The following CMTM4 variants were observed in gnomAD, a reference collection of about 807,000 sequenced individuals.
CMTM4 encodes CKLF like MARVEL transmembrane domain containing 4, also known as CKLF-like MARVEL transmembrane domain-containing protein 4.
A neutral mutation model predicts 19.0 loss-of-function variants in CMTM4; 8 were observed. That is an observed-to-expected ratio of 0.42 (90% CI 0.25 to 0.76). The LOEUF (loss-of-function observed/expected upper bound fraction) is 0.76, where lower values mean the gene tolerates loss of function less well. Ranked by LOEUF, CMTM4 falls within the 30% of genes least tolerant of loss-of-function variation. The probability of loss-of-function intolerance (pLI) is 0.27; values close to 1 mark genes in which losing one functional copy is unlikely to be tolerated. For missense variants in CMTM4, 228 were observed against 290.2 expected (o/e 0.79, Z 1.56); for synonymous variants, 106 against 121.1 (o/e 0.88, Z 0.82).
chr16:66,609,212 A>G, the CMTM4 span, among the ~76,000 whole-genome samples: 3 of 152,348 alleles, frequency 2.0e-5, no homozygotes, highest in South Asian at 4.1e-4. The surrounding 1 kb of genome is among the most constrained non-coding windows in gnomAD (Gnocchi z 4.4). Context: ...AGCTTAGGAC[A>G]GCAGCCCCGC....
intron 1 of CMTM4, among the ~76,000 whole-genome samples, chr16:66,669,668 A>C (rs1259156983): frequency 2.6e-5 from 4 of 152,042 alleles, no homozygotes; most frequent in Non-Finnish European, 5.9e-5. Context: ...CAGCCTCCCA[A>C]GTAGCTGGGA....
At chr16:66,614,177 A>AC (rs1265681467), downstream of CMTM4, among the ~76,000 whole-genome samples, 1 of 152,208 alleles carries the variant, frequency 6.6e-6, no homozygotes, top group Non-Finnish European at 1.5e-5. This position sits in a 1 kb window ranked among gnomAD's most constrained non-coding sequence, Gnocchi z 4.9. Context: ...GTTGCTTGCC[A>AC]CCCACCTCCT....
In CMTM4 at chr16:66,620,229, CAAAG is replaced by C. The variant is rs896525688; in HGVS notation, c.*1825_*1828del. On this transcript the variant is annotated 3_prime_UTR_variant, in exon 4 of 4. Transcript: ENST00000394106. The stretch of plus-strand genomic sequence containing the variant: ...GTGGCCCTATTTTAAAAGGAACTCT[CAAAG>C]AGAGATAAGCCCAATTTTGACTTTG... 51 of 985,434 alleles carry C rather than the reference CAAAG, an allele frequency of 5.2e-5. No homozygotes were observed. In the African/African-American group the frequency reaches 8.4e-4, roughly 16 times the overall value. 61.0% of individuals were successfully genotyped at this position (985,434 alleles called of 1,614,324 possible).
At chr16:66,687,934 G>A (rs1249608347) in intron 1 of CMTM4, among the ~76,000 whole-genome samples, 1 of 151,884 alleles carries the variant, frequency 6.6e-6, no homozygotes, top group Non-Finnish European at 1.5e-5. Context: ...TGATCTGCCC[G>A]CCTCGGCCTC....
At chr16:66,681,961 C>T (rs1047820273) in intron 1 of CMTM4, among the ~76,000 whole-genome samples, 2 of 152,158 alleles carry the variant, frequency 1.3e-5, no homozygotes, top group Admixed American at 6.5e-5. Flanking sequence ...CAGCAATGTG[C>T]CCCTTTCCCA....
chr16:66,609,583 A>AT, the CMTM4 span: 1 of 1,538,646 alleles, frequency 6.5e-7, no homozygotes, highest in South Asian at 1.2e-5. The surrounding 1 kb of genome is among the most constrained non-coding windows in gnomAD (Gnocchi z 4.4). Context: ...CTAGCCCCTC[A>AT]TTTAGGGTGG....
downstream of CMTM4, chr16:66,613,201 T>G (rs1006296883): frequency 7.2e-6 from 5 of 695,162 alleles, no homozygotes; most frequent in Non-Finnish European, 1.1e-5. Flanking sequence ...ACCTTTGCCT[T>G]GTCGCCCAGG....
chr16:66,669,465 AT>A (rs1201970188), intron 1 of CMTM4, among the ~76,000 whole-genome samples: 1 of 150,566 alleles, frequency 6.6e-6, no homozygotes, highest in East Asian at 1.9e-4. Context: ...CTACATGTTA[AT>A]TAAAAAAAAA....
intron 2 of CMTM4, among the ~76,000 whole-genome samples, chr16:66,625,078 A>G (rs2015709385): frequency 6.6e-6 from 1 of 152,234 alleles, no homozygotes; most frequent in Non-Finnish European, 1.5e-5. Flanking sequence ...GAGGTCAAAC[A>G]TCAAATAAAA....
In CMTM4 at chr16:66,640,037, G is replaced by A. The variant is rs542414781; in HGVS notation, c.187-3456C>T. Among the ~76,000 whole-genome samples the A allele has an allele frequency of 2.0e-5, 3 of 151,674 alleles. No homozygotes were observed. In the South Asian group the frequency reaches 6.3e-4, roughly 32 times the overall value. On this transcript the variant is annotated intron_variant, in intron 1 of 3. Coordinates refer to ENST00000394106, the MANE Select transcript of CMTM4 (RefSeq NM_181521.3). ...TAAAAAAATTTTAACATAAAATAAAGTTTAGGGCAGGCGCAGTGGCTCACA... is the reference window on the plus strand; with the variant it reads ...TAAAAAAATTTTAACATAAAATAAAATTTAGGGCAGGCGCAGTGGCTCACA...
chr16:66,601,972 T>C, the CMTM4 span, among the ~76,000 whole-genome samples: 2 of 152,184 alleles, frequency 1.3e-5, no homozygotes, highest in African/African-American at 4.8e-5. Context: ...GCCTGCTCCA[T>C]GGAGTGTGCA....
chr16:66,658,092 T>C (rs1349674083), intron 1 of CMTM4, among the ~76,000 whole-genome samples: 1 of 152,096 alleles, frequency 6.6e-6, no homozygotes, highest in Non-Finnish European at 1.5e-5. Flanking sequence ...TAGCTGGACG[T>C]TGTGATACAT....
At chr16:66,609,774 ACT>A (rs758200035), downstream of CMTM4, 20 of 1,606,808 alleles carry the variant, frequency 1.2e-5, no homozygotes, top group Non-Finnish European at 1.6e-5. The surrounding 1 kb of genome is among the most constrained non-coding windows in gnomAD (Gnocchi z 4.4). Context: ...TGTGCCTGAC[ACT>A]CGGGCTGTTT....
the CMTM4 span, among the ~76,000 whole-genome samples, chr16:66,603,381 G>A: frequency 1.3e-5 from 2 of 151,942 alleles, no homozygotes; most frequent in Non-Finnish European, 2.9e-5. Flanking sequence ...TATGCCTCCC[G>A]GGTTCAAGCG....
intron 1 of CMTM4, among the ~76,000 whole-genome samples, chr16:66,651,966 C>T (rs2016318932): frequency 3.3e-5 from 5 of 152,208 alleles, no homozygotes; most frequent in Admixed American, 3.3e-4. Context: ...TCTTTGGTTT[C>T]ATTGCTTTTC....
Position 66,617,444 on chromosome 16 carries a change from C to A in CMTM4, c.*4614G>T, listed in dbSNP as rs1044430190. ...ATTCCAGACAAAAGAAGGGAAAATA[C>A]AATAGGACCCACTCCGCTTCAAGCT... On this transcript the variant is annotated 3_prime_UTR_variant, in exon 4 of 4. Transcript: ENST00000394106. 2 of 1,527,746 alleles carry A rather than the reference C, an allele frequency of 1.3e-6. No homozygotes were observed. The highest frequency in any genetic ancestry group is 2.8e-5 in the African/African-American group (2 of 72,290). The allele number at this position is 1,527,746 out of a possible 1,614,324, so 94.6% of individuals were successfully genotyped here. A position where few individuals can be genotyped will look rare whatever the true frequency, so the allele number is the denominator to read the frequency against.
chr16:66,683,513 G>C (rs1414449131), intron 1 of CMTM4, among the ~76,000 whole-genome samples: 1 of 151,118 alleles, frequency 6.6e-6, no homozygotes, highest in Non-Finnish European at 1.5e-5. Context: ...GGATGGTCTC[G>C]ATCTCCTGAC....
intron 2 of CMTM4, among the ~76,000 whole-genome samples, chr16:66,630,384 G>A (rs2015830270): frequency 7.2e-6 from 1 of 139,456 alleles, no homozygotes. Context: ...TCCCTCTGAT[G>A]CCGAGCCGAA....
chr16:66,683,181 G>GTGTA (rs2016964243), intron 1 of CMTM4, among the ~76,000 whole-genome samples: 1 of 124,440 alleles, frequency 8.0e-6, no homozygotes, highest in African/African-American at 3.1e-5. Context: ...ATATACATAT[G>GTGTA]TATATATATA....
Sources: allele counts gnomAD v4.1 joint callset (sites outside exome capture counted in the v4.1 genomes callset), GRCh38; gene constraint gnomAD v4.1.1; non-coding constraint Gnocchi (gnomAD v3.1); transcripts MANE v1.5; gene names NCBI Gene and HGNC (gene_info 2026-07-23, HGNC 2026-07-21).